Variants in HELQ observed in about 807,000 individuals in gnomAD.
HELQ encodes helicase POLQ-like.
Under a neutral mutation model 111.6 loss-of-function variants are expected in HELQ, and 77 were observed. The observed-to-expected ratio is 0.69, with a 90% confidence interval of 0.57 to 0.83. The LOEUF (loss-of-function observed/expected upper bound fraction) is 0.83. Among genes scored for constraint, HELQ ranks in the 40% least tolerant of loss-of-function variants. The pLI is 0.00. For synonymous variants in HELQ, 438 were observed against 454.7 expected, an observed-to-expected ratio of 0.96 and a Z score of 0.47; for missense variants, 1,200 against 1,288.5, an observed-to-expected ratio of 0.93 and a Z score of 1.05.
intron 9 of HELQ, among the ~76,000 whole-genome samples, chr4:83,435,575 TA>T (rs10711036): frequency 0.098 from 13,759 of 140,670 alleles, 2,035 homozygotes; most frequent in African/African-American, 0.32. Flanking sequence ...AAGGCAAAAT[TA>T]AAAAAAAAAA....
chr4:83,418,343 T>G, intron 15 of HELQ, 137 bp from the exon 16 acceptor site: 1 of 479,218 alleles, frequency 2.1e-6, no homozygotes, highest in Non-Finnish European at 3.7e-6. Context: ...TGAAAGATGA[T>G]TCTAAGCAAA....
Position 83,443,503 on chromosome 4 carries a change from C to T in HELQ, c.1563+14G>A, listed in dbSNP as rs573230256. 2 of 1,248,006 alleles carry T rather than the reference C, an allele frequency of 1.6e-6. No individual in the cohort carries two copies. Among genetic ancestry groups the T allele is most frequent in the South Asian group, 2.6e-5 (2 of 77,622 alleles). The allele number at this position is 1,248,006 out of a possible 1,614,324, so 77.3% of individuals were successfully genotyped here. The stretch of plus-strand genomic sequence containing the variant: ...ACGAAACAAATCAATACAGTGCAAA[C>T]CTTAGGTACATACTGGTCTAAATTG... On this transcript the variant is annotated intron_variant, in intron 6 of 17. Transcript: ENST00000295488.
At chr4:83,428,064 A>C (rs754746345) in intron 12 of HELQ, among the ~76,000 whole-genome samples, 5 of 152,248 alleles carry the variant, frequency 3.3e-5, no homozygotes, top group Non-Finnish European at 7.3e-5. Context: ...ATTATGGTAC[A>C]TCCATACTAT....
chr4:83,442,321 G>A (rs982464113), intron 6 of HELQ, among the ~76,000 whole-genome samples: 4 of 144,104 alleles, frequency 2.8e-5, no homozygotes, highest in Non-Finnish European at 6.0e-5. Context: ...AGGCTGGGGT[G>A]TAGCGGCACA....
At chr4:83,444,165 C>G (rs1720922156) in intron 5 of HELQ, among the ~76,000 whole-genome samples, 1 of 152,142 alleles carries the variant, frequency 6.6e-6, no homozygotes, top group Admixed American at 6.5e-5. Context: ...TTGGCAAGAA[C>G]TAGGATATTA....
chr4:83,455,293 T>TA (rs1721698141), intron 1 of HELQ, 104 bp downstream of exon 1: 4 of 1,536,078 alleles, frequency 2.6e-6, no homozygotes, highest in Admixed American at 4.0e-5. Flanking sequence ...TTAACAGTGG[T>TA]AACGAAGACG....
chr4:83,454,602 T>C lies in HELQ; in HGVS notation c.298-657A>G, dbSNP rs557466607. Reference sequence around the variant, plus strand: ...TTAAGAAAAAAAAATTTTTTTTTTTTTTTGTAGAGACTGGGTCTCTGTTGC... The same window carrying C: ...TTAAGAAAAAAAAATTTTTTTTTTTCTTTGTAGAGACTGGGTCTCTGTTGC... On this transcript the variant is annotated intron_variant, in intron 1 of 17. Transcript: ENST00000295488. 3.3e-5 allele frequency among the ~76,000 whole-genome samples: 5 copies of C among 151,760 alleles called. No individual in the cohort carries two copies. In the East Asian group the frequency reaches 9.7e-4, roughly 29 times the overall value.
In HELQ at chr4:83,416,796, C is replaced by A; in HGVS notation, c.3133G>T (p.Val1045Leu). 1 of 1,613,960 alleles carries A rather than the reference C, an allele frequency of 6.2e-7. No homozygotes were observed. The highest frequency in any genetic ancestry group is 8.5e-7 in the Non-Finnish European group (1 of 1,179,886). The change falls in exon 17 of 18, where the codon GTG becomes TTG. Residue 1045 changes from valine to leucine, a missense_variant. This residue lies in a region of HELQ where 585 missense variants were observed against 665.3 expected (regional missense o/e 0.88). Transcript: ENST00000295488. Reference protein sequence around the residue: ...LMHLANANPEVLVRTIDHLSR... With the variant: ...LMHLANANPELLVRTIDHLSR... ...AAATGATCAATTGTCCTTACGAGCA[C>A]TTCAGGATTTGCATTAGCTAAGTGC...
At chr4:83,438,823 G>A (rs1578092229) in intron 8 of HELQ, among the ~76,000 whole-genome samples, 1 of 151,432 alleles carries the variant, frequency 6.6e-6, no homozygotes, top group East Asian at 1.9e-4. Context: ...TGGTAACAGT[G>A]ATTAGTCCTT....
intron 13 of HELQ, among the ~76,000 whole-genome samples, chr4:83,426,566 G>GT (rs770685351): frequency 1.4e-4 from 18 of 127,744 alleles, no homozygotes; most frequent in Admixed American, 1.0e-3. Flanking sequence ...TTTTGTTTCT[G>GT]TTTTTGTTTT....
At chr4:83,424,933 A>C (rs1225798953) in intron 14 of HELQ, among the ~76,000 whole-genome samples, 1 of 152,136 alleles carries the variant, frequency 6.6e-6, no homozygotes, top group Non-Finnish European at 1.5e-5. Context: ...ATCATCTTCC[A>C]TTTTACAAAA....
Position 83,441,413 on chromosome 4 carries a change from A to G in HELQ, c.1564-10T>C. 7.7e-7 allele frequency: 1 copy of G among 1,294,508 alleles called. No individual in the cohort carries two copies. Among genetic ancestry groups the G allele is most frequent in the South Asian group, 1.2e-5 (1 of 80,432 alleles). The allele number at this position is 1,294,508 out of a possible 1,614,324, so 80.2% of individuals were successfully genotyped here. A position where few individuals can be genotyped will look rare whatever the true frequency, so the allele number is the denominator to read the frequency against. On this transcript the variant is annotated splice_polypyrimidine_tract_variant and intron_variant, in intron 6 of 17. Coordinates refer to ENST00000295488, the MANE Select transcript of HELQ (RefSeq NM_133636.5). ...ATTCTTTTAACTCAACCTTGAATTA[A>G]AAGGACATTTGCAATTAATACGACA... is the stretch of plus-strand genomic sequence containing the variant.
In HELQ at chr4:83,447,024, C is replaced by T; in HGVS notation, c.1203G>A (p.Leu401=). ...AACCGAGTTCTATACCAAAACTTGA[C>T]AAACCTGAAATCTAGAATATTAGTT... ...VAIVQEKISG[L]SSFGIELGFF... The change falls in exon 4 of 18, where the codon TTG becomes TTA. Residue 401 remains leucine, a synonymous_variant. Transcript: ENST00000295488. 1.2e-6 allele frequency: 2 copies of T among 1,610,612 alleles called. No individual in the cohort carries two copies. The highest frequency in any genetic ancestry group is 1.7e-6 in the Non-Finnish European group (2 of 1,177,152).
In HELQ at chr4:83,453,833, T is replaced by C. The variant is rs2110018606; in HGVS notation, c.410A>G (p.Lys137Arg). The C allele has an allele frequency of 1.9e-6, 3 of 1,614,124 alleles. No homozygotes were observed. Among genetic ancestry groups the C allele is most frequent in the Non-Finnish European group, 2.5e-6 (3 of 1,179,954 alleles). ...AGTGGCAAAGTCTGTAGCATGTTTCTTATGTTCAGGGAGTTGCATATATTT... is the reference window on the plus strand; with the variant it reads ...AGTGGCAAAGTCTGTAGCATGTTTCCTATGTTCAGGGAGTTGCATATATTT... ...EQKYMQLPEHKKHATDFATEN... is the reference protein window; with the variant it reads ...EQKYMQLPEHRKHATDFATEN... The change falls in exon 2 of 18, where the codon AAG becomes AGG. Residue 137 changes from lysine to arginine, a missense_variant. Physicochemically the swap from Lys to Arg is conservative, Grantham distance 26. Around this residue, in one of 3 missense-constraint regions of HELQ, gnomAD observed 610 missense variants for 607.1 expected, o/e 1.00. Transcript: ENST00000295488.
chr4:83,442,115 C>T (rs1418016853), intron 6 of HELQ, among the ~76,000 whole-genome samples: 1 of 152,020 alleles, frequency 6.6e-6, no homozygotes, highest in Non-Finnish European at 1.5e-5. Context: ...TACCACCACA[C>T]TATTTTTCTT....
intron 15 of HELQ, among the ~76,000 whole-genome samples, chr4:83,419,549 T>C (rs1001655222): frequency 5.3e-5 from 8 of 150,596 alleles, no homozygotes; most frequent in African/African-American, 1.9e-4. Context: ...AGCTAGATTT[T>C]TCTTAGGATT....
chr4:83,415,025 T>C (rs1287750088), intron 17 of HELQ, among the ~76,000 whole-genome samples: 1 of 152,164 alleles, frequency 6.6e-6, no homozygotes, highest in East Asian at 1.9e-4. Context: ...ATGTAAGCAA[T>C]GTGAGCACCA....
intron 17 of HELQ, among the ~76,000 whole-genome samples, chr4:83,411,627 AAT>A (rs1195583285): frequency 8.6e-5 from 13 of 150,986 alleles, no homozygotes; most frequent in African/African-American, 3.2e-4. Context: ...AAATAAATAA[AAT>A]TAATTAATTT....
At chr4:83,410,899 C>T (rs921485501) in intron 17 of HELQ, among the ~76,000 whole-genome samples, 9 of 151,768 alleles carry the variant, frequency 5.9e-5, no homozygotes, top group African/African-American at 1.9e-4. Flanking sequence ...ACTTGTAACC[C>T]CAGCACTTTG....
Sources: allele counts gnomAD v4.1 joint callset (sites outside exome capture counted in the v4.1 genomes callset), GRCh38; gene constraint gnomAD v4.1.1; regional missense constraint gnomAD v4.1.1; transcripts MANE v1.5; gene names NCBI Gene and HGNC (gene_info 2026-07-23, HGNC 2026-07-21).